PSMB2: variants seen among roughly 807,000 people sequenced by gnomAD.
PSMB2 encodes the protein proteasome 20S subunit beta 2, also known as proteasome subunit beta type-2.
In PSMB2, 13 loss-of-function variants were observed where a neutral mutation model predicts 25.7. The ratio of observed to expected loss-of-function variants is 0.51; its 90% CI spans 0.33 to 0.80. PSMB2 has a LOEUF of 0.80. Ranked by LOEUF, PSMB2 falls within the 30% of genes least tolerant of loss-of-function variation. The pLI, the probability that PSMB2 is intolerant of heterozygous loss-of-function variation, is 0.02. For synonymous variants in PSMB2, 87 were observed against 96.2 expected, an observed-to-expected ratio of 0.90 and a Z score of 0.56; for missense variants, 202 against 259.0, an observed-to-expected ratio of 0.78 and a Z score of 1.51.
intron 4 of PSMB2, among the ~76,000 whole-genome samples, chr1:35,606,677 T>A (rs1157031653): frequency 6.6e-6 from 1 of 152,056 alleles, no homozygotes; most frequent in Non-Finnish European, 1.5e-5. Flanking sequence ...ATGACATGCC[T>A]CACAGAATTA....
intron 3 of PSMB2, among the ~76,000 whole-genome samples, chr1:35,628,609 A>C (rs1380955619): frequency 4.0e-5 from 1 of 25,156 alleles, no homozygotes; most frequent in African/African-American, 1.1e-4. Context: ...ATATATATAT[A>C]TATATATATA....
At position 35,600,006 on chromosome 1, in the gene PSMB2, C is replaced by T; in HGVS notation, c.*3261G>A. Reference sequence around the variant, plus strand: ...ACAAAATTAGCTGGGTGCAGTGGTGCACCCCTCTAGTCCCAGCTAGTTGGG... The same window carrying T: ...ACAAAATTAGCTGGGTGCAGTGGTGTACCCCTCTAGTCCCAGCTAGTTGGG... On this transcript the variant is annotated 3_prime_UTR_variant, in exon 6 of 6. Transcript: ENST00000373237. The T allele has an allele frequency of 1.8e-6, 1 of 569,286 alleles. No individual in the cohort carries two copies. Among genetic ancestry groups the T allele is most frequent in the Non-Finnish European group, 2.2e-6 (1 of 450,236 alleles). The allele number at this position is 569,286 out of a possible 1,614,324, so 35.3% of individuals were successfully genotyped here.
At chr1:35,624,436 A>C (rs1650788612) in intron 3 of PSMB2, among the ~76,000 whole-genome samples, 1 of 152,194 alleles carries the variant, frequency 6.6e-6, no homozygotes, top group African/African-American at 2.4e-5. Flanking sequence ...AGCTGAGTTG[A>C]GCTATATGAA....
In PSMB2 at chr1:35,601,792, G is replaced by C; in HGVS notation, c.*1475C>G. ...AGCAGCATCAGTAGCAACTGGAAAT[G>C]TGAGATGAACATTCTGAAACACACA... On this transcript the variant is annotated 3_prime_UTR_variant, in exon 6 of 6. Transcript: ENST00000373237. 1 of 985,420 alleles carries C rather than the reference G, an allele frequency of 1.0e-6. No homozygotes were observed. Among genetic ancestry groups the C allele is most frequent in the Non-Finnish European group, 1.2e-6 (1 of 829,908 alleles). 61.0% of individuals were successfully genotyped at this position (985,420 alleles called of 1,614,324 possible).
At chr1:35,604,812 C>T (rs1175749788) in intron 5 of PSMB2, among the ~76,000 whole-genome samples, 1 of 152,136 alleles carries the variant, frequency 6.6e-6, no homozygotes, top group Non-Finnish European at 1.5e-5. Flanking sequence ...AGCAGAAGTT[C>T]TTCAAGTACA....
intron 3 of PSMB2, among the ~76,000 whole-genome samples, chr1:35,628,332 A>G (rs1361569315): frequency 6.6e-6 from 1 of 151,852 alleles, no homozygotes; most frequent in African/African-American, 2.4e-5. Context: ...TCTTATCTCA[A>G]TTCCAAAAAG....
At position 35,599,933 on chromosome 1, in the gene PSMB2, G is replaced by T; in HGVS notation, c.*3334C>A. 1 of 832,246 alleles carries T rather than the reference G, an allele frequency of 1.2e-6. No homozygotes were observed. The highest frequency in any genetic ancestry group is 1.4e-6 in the Non-Finnish European group (1 of 690,414). The allele number at this position is 832,246 out of a possible 1,614,324, so 51.6% of individuals were successfully genotyped here. ...GGATCACTTGAGGCCAAGAGTTCGA[G>T]ACCAGCCTAGGCAACATGGCGAGAC... On this transcript the variant is annotated 3_prime_UTR_variant, in exon 6 of 6. Transcript: ENST00000373237.
chr1:35,599,993 G>T lies in PSMB2; in HGVS notation c.*3274C>A. On this transcript the variant is annotated 3_prime_UTR_variant, in exon 6 of 6. Transcript: ENST00000373237. Reference sequence around the variant, plus strand: ...ACAAAAAATTTTGACAAAATTAGCTGGGTGCAGTGGTGCACCCCTCTAGTC... The same window carrying T: ...ACAAAAAATTTTGACAAAATTAGCTTGGTGCAGTGGTGCACCCCTCTAGTC... 1 of 595,984 alleles carries T rather than the reference G, an allele frequency of 1.7e-6. No individual in the cohort carries two copies. Among genetic ancestry groups the T allele is most frequent in the Non-Finnish European group, 2.1e-6 (1 of 474,636 alleles). The allele number at this position is 595,984 out of a possible 1,614,324, so 36.9% of individuals were successfully genotyped here. A position where few individuals can be genotyped will look rare whatever the true frequency, so the allele number is the denominator to read the frequency against.
chr1:35,637,567 G>A (rs995814223), intron 1 of PSMB2, among the ~76,000 whole-genome samples: 2 of 152,146 alleles, frequency 1.3e-5, no homozygotes, highest in Non-Finnish European at 2.9e-5. Flanking sequence ...AAATAGTGCT[G>A]AATAATCCTC....
In PSMB2 at chr1:35,600,223, A is replaced by G. The variant is rs1439437208; in HGVS notation, c.*3044T>C. Reference sequence around the variant, plus strand: ...GCCAGAACTTGGTGGCCATGTAGAGACAGGAGATAAAGAATGGCATAAAAA... The same window carrying G: ...GCCAGAACTTGGTGGCCATGTAGAGGCAGGAGATAAAGAATGGCATAAAAA... On this transcript the variant is annotated 3_prime_UTR_variant, in exon 6 of 6. Coordinates refer to ENST00000373237, the MANE Select transcript of PSMB2 (RefSeq NM_002794.5). The G allele has an allele frequency of 1.0e-6, 1 of 985,286 alleles. No homozygotes were observed. Among genetic ancestry groups the G allele is most frequent in the African/African-American group, 1.7e-5 (1 of 57,250 alleles). The allele number at this position is 985,286 out of a possible 1,614,324, so 61.0% of individuals were successfully genotyped here.
At chr1:35,640,264 C>T (rs141323750) in intron 1 of PSMB2, among the ~76,000 whole-genome samples, 20 of 152,222 alleles carry the variant, frequency 1.3e-4, no homozygotes, top group Non-Finnish European at 2.6e-4. Context: ...TATGTTTGGG[C>T]ACCTACGTAC....
intron 3 of PSMB2, among the ~76,000 whole-genome samples, chr1:35,622,815 AAAAAAAAAAAG>A (rs1472830267): frequency 6.6e-6 from 1 of 151,984 alleles, no homozygotes; most frequent in Non-Finnish European, 1.5e-5. Context: ...ACATTTAAAA[AAAAAAAAAAAG>A]AAAGAAAAAG....
Position 35,603,178 on chromosome 1 carries a change from T to C in PSMB2, c.*89A>G, listed in dbSNP as rs1393843178. 2 of 1,522,078 alleles carry C rather than the reference T, an allele frequency of 1.3e-6. No homozygotes were observed. Among genetic ancestry groups the C allele is most frequent in the Non-Finnish European group, 1.8e-6 (2 of 1,140,872 alleles). 94.3% of individuals were successfully genotyped at this position (1,522,078 alleles called of 1,614,324 possible). A position where few individuals can be genotyped will look rare whatever the true frequency, so the allele number is the denominator to read the frequency against. On this transcript the variant is annotated 3_prime_UTR_variant, in exon 6 of 6. Coordinates refer to ENST00000373237, the MANE Select transcript of PSMB2 (RefSeq NM_002794.5). ...GTCACCTTTATTCTGAATTAACCAT[T>C]TATCAAGAGTGCGCCTGAAAAGAGT... is the stretch of plus-strand genomic sequence containing the variant.
intron 3 of PSMB2, among the ~76,000 whole-genome samples, chr1:35,618,924 C>G (rs1025177141): frequency 1.3e-5 from 2 of 152,144 alleles, no homozygotes; most frequent in African/African-American, 4.8e-5. Flanking sequence ...CAAACTGGCC[C>G]ACGTTTATAA....
chr1:35,628,631 A>ATATTTTTTTTTT (rs1202256440), intron 3 of PSMB2, among the ~76,000 whole-genome samples: 4 of 38,088 alleles, frequency 1.1e-4, no homozygotes, highest in Admixed American at 5.5e-4. Context: ...ATATATATAT[A>ATATTTTTTTTTT]TTTTTTTTTT....
intron 3 of PSMB2, among the ~76,000 whole-genome samples, chr1:35,613,398 G>A (rs1042049014): frequency 3.0e-4 from 46 of 151,984 alleles, no homozygotes; most frequent in African/African-American, 8.9e-4. Flanking sequence ...AAAAATCTAG[G>A]TTAGGGGGCT....
intron 3 of PSMB2, among the ~76,000 whole-genome samples, chr1:35,610,927 A>G (rs1208714635): frequency 6.6e-6 from 1 of 152,260 alleles, no homozygotes; most frequent in Non-Finnish European, 1.5e-5. Context: ...CAAATCTAAA[A>G]ACATAAGTTT....
In PSMB2 at chr1:35,603,039, G is replaced by A. The variant is rs1650051052; in HGVS notation, c.*228C>T. On this transcript the variant is annotated 3_prime_UTR_variant, in exon 6 of 6. Coordinates refer to ENST00000373237, the MANE Select transcript of PSMB2 (RefSeq NM_002794.5). ...AAAGGGTACTGAGCGTTAATGGAGG[G>A]CGGAGCAGGAAGAAAAGTCAGACCT... 1 of 1,296,612 alleles carries A rather than the reference G, an allele frequency of 7.7e-7. No individual in the cohort carries two copies. Among genetic ancestry groups the A allele is most frequent in the South Asian group, 1.7e-5 (1 of 57,694 alleles). The allele number at this position is 1,296,612 out of a possible 1,614,324, so 80.3% of individuals were successfully genotyped here.
chr1:35,633,604 C>T (rs1474889381), intron 2 of PSMB2, among the ~76,000 whole-genome samples: 1 of 152,202 alleles, frequency 6.6e-6, no homozygotes, highest in Non-Finnish European at 1.5e-5. Context: ...CATACAGTAC[C>T]TACTGGACTT....
Sources: allele counts gnomAD v4.1 joint callset (sites outside exome capture counted in the v4.1 genomes callset), GRCh38; gene constraint gnomAD v4.1.1; transcripts MANE v1.5; gene names NCBI Gene and HGNC (gene_info 2026-07-23, HGNC 2026-07-21).